Variants in PAN2 observed in about 807,000 individuals in gnomAD.
The protein encoded by PAN2 is poly(A) specific ribonuclease subunit PAN2.
Under a neutral mutation model 133.3 loss-of-function variants are expected in PAN2, and 68 were observed. That is an observed-to-expected ratio of 0.51 (90% CI 0.42 to 0.62). PAN2 has a LOEUF of 0.62. Among genes scored for constraint, PAN2 ranks in the 20% least tolerant of loss-of-function variants. The pLI is 0.00. For synonymous variants in PAN2, 462 were observed against 544.6 expected (o/e 0.85, Z 2.11); for missense variants, 1,042 against 1,500.5 (o/e 0.69, Z 5.05).
rs138946880 is a variant in PAN2 at position 56,323,567 on chromosome 12, T to G, written c.2204A>C (p.Asp735Ala). The change falls in exon 15 of 26, where the codon GAT becomes GCT. Residue 735 changes from aspartate to alanine, a missense_variant. Physicochemically the swap from Asp to Ala is moderately radical, Grantham distance 126. Around this residue, in one of 3 missense-constraint regions of PAN2, gnomAD observed 908 missense variants for 1,223.5 expected, o/e 0.74. Coordinates refer to ENST00000440411, the MANE Select transcript of PAN2 (RefSeq NM_014871.6). ...CACCTCACAATTGATGACAAGAATA[T>G]CTGGCAGATGGCGGATGTTGCGGGT... ...IQTRNIRHLP[D>A]ILVINCEVNS... 1.2e-6 allele frequency: 2 copies of G among 1,614,178 alleles called. No homozygotes were observed. Among genetic ancestry groups the G allele is most frequent in the Non-Finnish European group, 1.7e-6 (2 of 1,180,024 alleles).
chr12:56,332,683 C>G (rs1293939807), intron 2 of PAN2, 130 bp downstream of exon 2: 6 of 846,894 alleles, frequency 7.1e-6, no homozygotes, highest in East Asian at 2.4e-5. Flanking sequence ...CTTTATCCCT[C>G]CAACCAGACC....
At chr12:56,321,293 A>G (rs894152267) in intron 20 of PAN2, among the ~76,000 whole-genome samples, 9 of 149,724 alleles carry the variant, frequency 6.0e-5, no homozygotes, top group Admixed American at 1.3e-4. Flanking sequence ...CAATGATGCA[A>G]TCTTGACTCA....
At chr12:56,317,743 G>T in intron 25 of PAN2, 100 bp from the exon 26 acceptor site, 1 of 953,382 alleles carries the variant, frequency 1.0e-6, no homozygotes, top group Non-Finnish European at 1.7e-6. Context: ...AAAAGGGCAT[G>T]GACCTTCCCT....
At position 56,317,282 on chromosome 12, in the gene PAN2, C is replaced by G. The variant is rs79209019; in HGVS notation, c.*327G>C. On this transcript the variant is annotated 3_prime_UTR_variant, in exon 26 of 26. Coordinates refer to ENST00000440411, the MANE Select transcript of PAN2 (RefSeq NM_014871.6). The stretch of plus-strand genomic sequence containing the variant: ...CAATCCCTAGCCAGCTAGGAACTTA[C>G]AGTTATGGTTCCAGGAGCTTCTCTG... 901 of 320,648 alleles carry G rather than the reference C, an allele frequency of 2.8e-3. 4 individuals are homozygous for G. The highest frequency in any genetic ancestry group is 0.014 in the Middle Eastern group (15 of 1,036). 19.9% of individuals were successfully genotyped at this position (320,648 alleles called of 1,614,324 possible).
At position 56,319,750 on chromosome 12, in the gene PAN2, TAA is replaced by T; in HGVS notation, c.2959_2960del (p.Leu987ThrfsTer3). 1.2e-6 allele frequency: 2 copies of T among 1,613,330 alleles called. No homozygotes were observed. The highest frequency in any genetic ancestry group is 1.7e-6 in the Non-Finnish European group (2 of 1,179,596). ...FVTLNEEEAE[L>X]RSDGTKSTIK... is the part of the protein sequence containing the mutation. The stretch of plus-strand genomic sequence containing the variant: ...TGGTAGACTTGGTACCATCACTGCG[TAA>T]CTCTGCTTCCTCCTACATGAGAAGA... On this transcript the variant is annotated frameshift_variant, in exon 22 of 26. Transcript: ENST00000440411. LOFTEE classifies it high-confidence loss of function. This position sits in a 1 kb window ranked among gnomAD's most constrained non-coding sequence, Gnocchi z 5.4.
chr12:56,323,118 T>C lies in PAN2; in HGVS notation c.2437A>G (p.Met813Val), dbSNP rs1874744702. Residue 813 changes from methionine to valine, a missense_variant, in exon 17 of 26, where the codon ATG becomes GTG. Met to Val is a conservative substitution (Grantham distance 21). Coordinates refer to ENST00000440411, the MANE Select transcript of PAN2 (RefSeq NM_014871.6). ...VWLPFSIRMK[M>V]TKNKGLDVCN... ...ACATCCAGCCCTTTGTTTTTGGTCA[T>C]CTTCATGCGAATGGAGAAAGGAAGC... The C allele has an allele frequency of 6.2e-7, 1 of 1,614,088 alleles. No individual in the cohort carries two copies. Among genetic ancestry groups the C allele is most frequent in the Non-Finnish European group, 8.5e-7 (1 of 1,180,042 alleles).
In PAN2 at chr12:56,333,215, G is replaced by C; in HGVS notation, c.-114-7C>G. On this transcript the variant is annotated splice_polypyrimidine_tract_variant and splice_region_variant and intron_variant, in intron 1 of 25. Coordinates refer to ENST00000440411, the MANE Select transcript of PAN2 (RefSeq NM_014871.6). ...CTAGAATGGACATCCTGGCCTGTAAGGGGAAAGAGGTAGCTGAGTCAAGGG... is the reference window on the plus strand; with the variant it reads ...CTAGAATGGACATCCTGGCCTGTAACGGGAAAGAGGTAGCTGAGTCAAGGG... 1.9e-6 allele frequency: 2 copies of C among 1,035,938 alleles called. No homozygotes were observed. The highest frequency in any genetic ancestry group is 1.4e-6 in the Non-Finnish European group (1 of 704,414). 64.2% of individuals were successfully genotyped at this position (1,035,938 alleles called of 1,614,324 possible).
chr12:56,321,707 C>T (rs900825720), intron 20 of PAN2, among the ~76,000 whole-genome samples: 11 of 150,894 alleles, frequency 7.3e-5, no homozygotes, highest in African/African-American at 1.9e-4. Flanking sequence ...AAAAATTAGC[C>T]GGGTGTGGTG....
At chr12:56,322,052 A>T in intron 20 of PAN2, 26 bp downstream of exon 20, 2 of 1,283,512 alleles carry the variant, frequency 1.6e-6, no homozygotes, top group Non-Finnish European at 2.3e-6. Flanking sequence ...CTGTCCACAC[A>T]CTTGGGTCTA....
Position 56,327,490 on chromosome 12 carries a change from G to A in PAN2, c.793C>T (p.Arg265Cys), listed in dbSNP as rs759493723. ...CGCAAATCATACACCTTGAGGAAAC[G>A]GTCGCAGGCCAGGCCAGTGAGGCGG... The part of the protein sequence containing the change: ...SSRLTGLACD[R>C]FLKVYDLRMM... The change falls in exon 6 of 26, where the codon CGT becomes TGT. Residue 265 changes from arginine to cysteine, a missense_variant. Physicochemically the swap from Arg to Cys is radical, Grantham distance 180. Transcript: ENST00000440411. The A allele has an allele frequency of 2.1e-5, 34 of 1,614,114 alleles. No homozygotes were observed. Among genetic ancestry groups the A allele is most frequent in the Non-Finnish European group, 9.3e-6 (11 of 1,180,052 alleles).
At position 56,331,486 on chromosome 12, in the gene PAN2, C is replaced by T. The variant is rs114554825; in HGVS notation, c.282+1327G>A. On this transcript the variant is annotated intron_variant, in intron 2 of 25. Transcript: ENST00000440411. ...CAGATTTTCACACTGGCGCTTAGTA[C>T]CATGAAATTATCTGGTTTTGTATAT... is the stretch of plus-strand genomic sequence containing the variant. Among the ~76,000 whole-genome samples, 1,313 of 152,284 alleles carry T rather than the reference C, an allele frequency of 8.6e-3. 23 individuals carry two copies. The highest frequency in any genetic ancestry group is 0.031 in the African/African-American group (1,271 of 41,552).
Position 56,324,471 on chromosome 12 carries a change from A to G in PAN2, c.1751T>C (p.Phe584Ser), listed in dbSNP as rs1170103038. Residue 584 changes from phenylalanine to serine, a missense_variant, in exon 12 of 26, where the codon TTC becomes TCC. Phe to Ser is a radical substitution (Grantham distance 155, BLOSUM62 -2). This residue lies in a region of PAN2 where 908 missense variants were observed against 1,223.5 expected (regional missense o/e 0.74). Coordinates refer to ENST00000440411, the MANE Select transcript of PAN2 (RefSeq NM_014871.6). ...PCQGNNFLRA[F>S]RTIPEASALG... ...GGCTGAGGCCTCAGGAATAGTACGG[A>G]ATGCCCGAAGAAAATTATTGCCCTG... is the stretch of plus-strand genomic sequence containing the variant. 6.2e-7 allele frequency: 1 copy of G among 1,613,626 alleles called. No homozygotes were observed. Among genetic ancestry groups the G allele is most frequent in the Non-Finnish European group, 8.5e-7 (1 of 1,179,684 alleles).
rs1874119081 is a variant in PAN2 at position 56,318,166 on chromosome 12, G to A, written c.3562+71C>T. The A allele has an allele frequency of 7.9e-6, 10 of 1,263,510 alleles. 1 individual carries two copies. In the South Asian group the frequency reaches 9.8e-5, roughly 12 times the overall value. The allele number at this position is 1,263,510 out of a possible 1,614,324, so 78.3% of individuals were successfully genotyped here. A position where few individuals can be genotyped will look rare whatever the true frequency, so the allele number is the denominator to read the frequency against. On this transcript the variant is annotated intron_variant, in intron 25 of 25. Coordinates refer to ENST00000440411, the MANE Select transcript of PAN2 (RefSeq NM_014871.6). ...CACTTCAGCCTGGGTGACAGAGTGA[G>A]ACCCTGTCACAAACAAACAAAATAC...
At chr12:56,332,556 C>A (rs74496027) in intron 2 of PAN2, among the ~76,000 whole-genome samples, 1 of 149,418 alleles carries the variant, frequency 6.7e-6, no homozygotes, top group Non-Finnish European at 1.5e-5. Flanking sequence ...GATCACATTA[C>A]GCCATTGCAC....
intron 1 of PAN2, chr12:56,333,569 C>T (rs562580985): frequency 6.2e-6 from 1 of 160,008 alleles, no homozygotes; most frequent in African/African-American, 2.4e-5. Context: ...GGTGCTTTCT[C>T]CCAGAATTGG....
rs777067447 is a variant in PAN2 at position 56,326,728 on chromosome 12, G to A, written c.1151C>T (p.Pro384Leu). The A allele has an allele frequency of 5.0e-6, 8 of 1,614,038 alleles. No individual in the cohort carries two copies. The highest frequency in any genetic ancestry group is 6.8e-6 in the Non-Finnish European group (8 of 1,180,028). Residue 384 changes from proline to leucine, a missense_variant, in exon 7 of 26, where the codon CCT becomes CTT. Physicochemically the swap from Pro to Leu is moderately conservative, Grantham distance 98. Transcript: ENST00000440411. Reference protein sequence around the residue: ...FALPCLVDSLPPLDWSQDLLP... With the variant: ...FALPCLVDSLLPLDWSQDLLP... ...CAGGTCCTGGCTCCAGTCCAGAGGAGGCAGTGAGTCCACGAGACACGGCAA... is the reference window on the plus strand; with the variant it reads ...CAGGTCCTGGCTCCAGTCCAGAGGAAGCAGTGAGTCCACGAGACACGGCAA...
At chr12:56,327,250 G>A in intron 6 of PAN2, 114 bp downstream of exon 6, 1 of 1,185,100 alleles carries the variant, frequency 8.4e-7, no homozygotes, top group Non-Finnish European at 1.2e-6. Context: ...TTGGGACCCT[G>A]ATGAAAGGTT....
At position 56,319,534 on chromosome 12, in the gene PAN2, GTCTTCCCCTATCAC is replaced by G. The variant is rs769401530; in HGVS notation, c.3091-61_3091-48del. On this transcript the variant is annotated intron_variant, in intron 22 of 25. Transcript: ENST00000440411. This position sits in a 1 kb window ranked among gnomAD's most constrained non-coding sequence, Gnocchi z 5.4. The stretch of plus-strand genomic sequence containing the variant: ...AGCCTTTTTCAGGAAGTGAGATGGA[GTCTTCCCCTATCAC>G]TCTTCCCTGGGTTCTTGAGCACTGT... 1.9e-6 allele frequency: 3 copies of G among 1,594,992 alleles called. No homozygotes were observed. In the East Asian group the frequency reaches 6.7e-5, roughly 36 times the overall value.
At position 56,319,157 on chromosome 12, in the gene PAN2, T is replaced by C. The variant is rs1175234626; in HGVS notation, c.3295A>G (p.Thr1099Ala). Reference sequence around the variant, plus strand: ...CGGGGCATATGGAACAGGTAGACAGTGTCAAGGACTTGGTCCTTGGGCACC... The same window carrying C: ...CGGGGCATATGGAACAGGTAGACAGCGTCAAGGACTTGGTCCTTGGGCACC... ...LMVPKDQVLD[T>A]VYLFHMPRKR... Residue 1099 changes from threonine (T) to alanine (A), a missense_variant, in exon 24 of 26, where the codon ACT becomes GCT. By Grantham distance (58) the Thr-to-Ala change is moderately conservative. Around this residue, in one of 3 missense-constraint regions of PAN2, gnomAD observed 49 missense variants for 160.5 expected, o/e 0.31. Coordinates refer to ENST00000440411, the MANE Select transcript of PAN2 (RefSeq NM_014871.6). This position sits in a 1 kb window ranked among gnomAD's most constrained non-coding sequence, Gnocchi z 5.4. 1 of 1,613,860 alleles carries C rather than the reference T, an allele frequency of 6.2e-7. No individual in the cohort carries two copies. Among genetic ancestry groups the C allele is most frequent in the East Asian group, 2.2e-5 (1 of 44,884 alleles).
Sources: allele counts gnomAD v4.1 joint callset (sites outside exome capture counted in the v4.1 genomes callset), GRCh38; gene constraint gnomAD v4.1.1; regional missense constraint gnomAD v4.1.1; non-coding constraint Gnocchi (gnomAD v3.1); transcripts MANE v1.5; gene names NCBI Gene and HGNC (gene_info 2026-07-23, HGNC 2026-07-21).